The following RASAL2 variants were observed in gnomAD, a reference collection of about 807,000 sequenced individuals.
The protein encoded by RASAL2 is RAS protein activator like 2, also known as ras GTPase-activating protein nGAP.
A neutral mutation model predicts 128.9 loss-of-function variants in RASAL2; 58 were observed. That is an observed-to-expected ratio of 0.45 (90% CI 0.36 to 0.56). The LOEUF is 0.56. RASAL2 is among the 20% of genes least tolerant of loss of function. The pLI, the probability that RASAL2 is intolerant of heterozygous loss-of-function variation, is 0.00. For synonymous variants in RASAL2, 561 were observed against 580.8 expected, an observed-to-expected ratio of 0.97 and a Z score of 0.49; for missense variants, 1,360 against 1,601.6, an observed-to-expected ratio of 0.85 and a Z score of 2.57.
At chr1:178,122,693 G>GT (rs558581337) in intron 1 of RASAL2, among the ~76,000 whole-genome samples, 13 of 151,772 alleles carry the variant, frequency 8.6e-5, no homozygotes, top group South Asian at 6.3e-4. Flanking sequence ...TAAAGTTTTT[G>GT]TTTTTTTTGA....
intron 1 of RASAL2, among the ~76,000 whole-genome samples, chr1:178,228,258 T>C (rs1183211031): frequency 6.6e-6 from 1 of 152,174 alleles, no homozygotes; most frequent in African/African-American, 2.4e-5. Flanking sequence ...CATCTCCATA[T>C]TTCTGAATTA....
chr1:178,197,649 C>T (rs1662711832), intron 1 of RASAL2, among the ~76,000 whole-genome samples: 1 of 151,254 alleles, frequency 6.6e-6, no homozygotes, highest in Non-Finnish European at 1.5e-5. Context: ...ATGCTCATAG[C>T]TTAAGACTCG....
intron 1 of RASAL2, among the ~76,000 whole-genome samples, chr1:178,247,057 G>C (rs528356998): frequency 6.6e-6 from 1 of 152,150 alleles, no homozygotes; most frequent in Non-Finnish European, 1.5e-5. Flanking sequence ...CCAGGTTTTG[G>C]AATCAGGATG....
chr1:178,367,981 T>C (rs1311285258), intron 3 of RASAL2, among the ~76,000 whole-genome samples: 1 of 152,200 alleles, frequency 6.6e-6, no homozygotes, highest in East Asian at 1.9e-4. Context: ...AAAATTTGTA[T>C]TGGAACACAG....
At chr1:178,344,201 G>A (rs1229302072) in intron 3 of RASAL2, among the ~76,000 whole-genome samples, 1 of 152,066 alleles carries the variant, frequency 6.6e-6, no homozygotes, top group Non-Finnish European at 1.5e-5. Flanking sequence ...AAGGTAAAGA[G>A]CTCTGCTATG....
intron 1 of RASAL2, among the ~76,000 whole-genome samples, chr1:178,267,304 C>T (rs990998422): frequency 6.6e-6 from 1 of 152,102 alleles, no homozygotes; most frequent in African/African-American, 2.4e-5. Flanking sequence ...CCATTTTAGA[C>T]CTTTTTACTG....
intron 1 of RASAL2, among the ~76,000 whole-genome samples, chr1:178,235,811 C>T (rs1265958364): frequency 6.6e-6 from 1 of 152,114 alleles, no homozygotes; most frequent in Admixed American, 6.6e-5. Flanking sequence ...AGCCTTTCTT[C>T]ATCCCTTATT....
chr1:178,107,428 A>G (rs1255197669), intron 1 of RASAL2, among the ~76,000 whole-genome samples: 1 of 152,172 alleles, frequency 6.6e-6, no homozygotes, highest in African/African-American at 2.4e-5. Context: ...AGGATGCTAG[A>G]TAGAGTAACC....
At chr1:178,237,639 A>G (rs1257624005) in intron 1 of RASAL2, among the ~76,000 whole-genome samples, 1 of 152,172 alleles carries the variant, frequency 6.6e-6, no homozygotes, top group Non-Finnish European at 1.5e-5. Context: ...TTTTTGTTTA[A>G]CAGCTTTTTT....
intron 1 of RASAL2, among the ~76,000 whole-genome samples, chr1:178,115,113 C>G (rs1331328238): frequency 6.6e-6 from 1 of 152,142 alleles, no homozygotes; most frequent in Non-Finnish European, 1.5e-5. Flanking sequence ...GCCATCTACA[C>G]CCGGACTTTT....
chr1:178,328,146 G>T (rs1351570312), intron 3 of RASAL2, among the ~76,000 whole-genome samples: 1 of 152,050 alleles, frequency 6.6e-6, no homozygotes, highest in Non-Finnish European at 1.5e-5. Context: ...GATACATCTG[G>T]TTATTTTTTC....
intron 1 of RASAL2, among the ~76,000 whole-genome samples, chr1:178,133,768 G>A (rs1660208932): frequency 6.6e-6 from 1 of 152,132 alleles, no homozygotes; most frequent in Admixed American, 6.5e-5. Flanking sequence ...AAGTAATAGT[G>A]CTAAGTTTGT....
intron 14 of RASAL2, among the ~76,000 whole-genome samples, chr1:178,459,374 C>T (rs1312315423): frequency 1.3e-5 from 2 of 151,480 alleles, no homozygotes; most frequent in Admixed American, 6.6e-5. Flanking sequence ...TAATATATAT[C>T]TTTATATATC....
chr1:178,254,021 A>G (rs996246094), intron 1 of RASAL2, among the ~76,000 whole-genome samples: 1 of 152,186 alleles, frequency 6.6e-6, no homozygotes, highest in Non-Finnish European at 1.5e-5. Flanking sequence ...TAGGCTTAAA[A>G]TTTATAACAC....
At chr1:178,317,713 A>G (rs1406947582) in intron 3 of RASAL2, among the ~76,000 whole-genome samples, 6 of 147,470 alleles carry the variant, frequency 4.1e-5, no homozygotes, top group Non-Finnish European at 7.6e-5. Context: ...CTAGCGGTCT[A>G]TCAATTTTGT....
At chr1:178,155,851 T>C (rs1027061821) in intron 1 of RASAL2, among the ~76,000 whole-genome samples, 1 of 152,158 alleles carries the variant, frequency 6.6e-6, no homozygotes, top group Non-Finnish European at 1.5e-5. Context: ...ATATCCAAGT[T>C]GTTACAGAGA....
At chr1:178,133,301 G>A (rs1047055105) in intron 1 of RASAL2, among the ~76,000 whole-genome samples, 2 of 152,058 alleles carry the variant, frequency 1.3e-5, no homozygotes, top group African/African-American at 4.8e-5. Context: ...TATTATCATG[G>A]CATGAAACAA....
intron 3 of RASAL2, among the ~76,000 whole-genome samples, chr1:178,314,617 T>G (rs1668413038): frequency 6.6e-6 from 1 of 152,160 alleles, no homozygotes; most frequent in Non-Finnish European, 1.5e-5. Context: ...GGGAAATTAT[T>G]ATGTTTACAA....
At chr1:178,318,663 C>T (rs1414811829) in intron 3 of RASAL2, among the ~76,000 whole-genome samples, 1 of 151,516 alleles carries the variant, frequency 6.6e-6, no homozygotes, top group Non-Finnish European at 1.5e-5. Context: ...TTCCTCCATC[C>T]TTTTATTTTG....
Sources: gnomAD v4.1 joint callset for allele counts (sites outside exome capture counted in the v4.1 genomes callset) on GRCh38, gnomAD v4.1.1 for gene constraint, MANE v1.5 for transcripts, NCBI Gene and HGNC (gene_info 2026-07-23, HGNC 2026-07-21) for gene names.